UBE2L3: variants seen among roughly 807,000 people sequenced by gnomAD.
The protein encoded by UBE2L3 is ubiquitin conjugating enzyme E2 L3.
A neutral mutation model predicts 17.8 loss-of-function variants in UBE2L3; 1 was observed. The observed-to-expected ratio is 0.06, with a 90% CI of 0.02 to 0.27. UBE2L3 has a LOEUF of 0.27. Among genes scored for constraint, UBE2L3 ranks in the 10% least tolerant of loss-of-function variants. The probability of loss-of-function intolerance (pLI) is 1.00; values close to 1 mark genes in which losing one functional copy is unlikely to be tolerated. For missense variants in UBE2L3, 40 were observed against 192.6 expected, an observed-to-expected ratio of 0.21 and a Z score of 4.69; for synonymous variants, 44 against 68.5, an observed-to-expected ratio of 0.64 and a Z score of 1.76.
chr22:21,561,503 G>A (rs1419213567), intron 1 of UBE2L3, among the ~76,000 whole-genome samples: 3 of 152,406 alleles, frequency 2.0e-5, no homozygotes, highest in East Asian at 3.9e-4. Context: ...GATAACTTGA[G>A]TACAGGAGGT....
chr22:21,568,827 A>G (rs1926793552), intron 1 of UBE2L3, among the ~76,000 whole-genome samples: 2 of 152,160 alleles, frequency 1.3e-5, no homozygotes, highest in Admixed American at 6.5e-5. Context: ...AGAGCTAGAC[A>G]TTGAACTTGG....
chr22:21,581,150 G>A (rs1462403582), intron 1 of UBE2L3, among the ~76,000 whole-genome samples: 1 of 151,668 alleles, frequency 6.6e-6, no homozygotes, highest in African/African-American at 2.4e-5. Flanking sequence ...TGCCTCCCAG[G>A]TTCAAACAAT....
intron 1 of UBE2L3, among the ~76,000 whole-genome samples, chr22:21,560,856 A>G (rs1475538009): frequency 2.0e-5 from 3 of 152,246 alleles, no homozygotes; most frequent in Non-Finnish European, 4.4e-5. Context: ...TCATTTGGCC[A>G]TAGCTCTAGG....
chr22:21,562,526 C>T (rs533045703), intron 1 of UBE2L3, among the ~76,000 whole-genome samples: 2 of 152,026 alleles, frequency 1.3e-5, no homozygotes, highest in Admixed American at 6.6e-5. Flanking sequence ...CACCCGCCAC[C>T]ACGCCCAGAT....
intron 1 of UBE2L3, among the ~76,000 whole-genome samples, chr22:21,586,742 A>G (rs965095585): frequency 6.7e-6 from 1 of 150,168 alleles, no homozygotes; most frequent in African/African-American, 2.5e-5. Flanking sequence ...TAATTTTTGT[A>G]TTTTTAGTAG....
intron 1 of UBE2L3, among the ~76,000 whole-genome samples, chr22:21,573,968 C>A (rs538252078): frequency 6.6e-6 from 1 of 152,280 alleles, no homozygotes; most frequent in South Asian, 2.1e-4. Flanking sequence ...TCACTGAGGG[C>A]AGTGCTGATG....
At chr22:21,569,423 G>A (rs1462031245) in intron 1 of UBE2L3, among the ~76,000 whole-genome samples, 1 of 149,852 alleles carries the variant, frequency 6.7e-6, no homozygotes, top group Non-Finnish European at 1.5e-5. Flanking sequence ...AAAGATTTCT[G>A]GAGTGCATGC....
chr22:21,591,664 T>C (rs915713203), intron 1 of UBE2L3, among the ~76,000 whole-genome samples: 5 of 152,168 alleles, frequency 3.3e-5, no homozygotes, highest in Non-Finnish European at 7.3e-5. Flanking sequence ...CAAGGATCTT[T>C]TGGGCTTGAT....
chr22:21,585,280 T>C (rs1167800488), intron 1 of UBE2L3, among the ~76,000 whole-genome samples: 4 of 152,356 alleles, frequency 2.6e-5, no homozygotes, highest in South Asian at 2.1e-4. Flanking sequence ...TTTTTCATGC[T>C]GCTGCTAAGG....
At chr22:21,614,582 T>C in intron 3 of UBE2L3, 2 of 1,367,608 alleles carry the variant, frequency 1.5e-6, no homozygotes, top group South Asian at 1.1e-5. Context: ...CAATTATGGC[T>C]TCTCTCAGAT....
chr22:21,596,146 G>C (rs1928512667), intron 2 of UBE2L3, among the ~76,000 whole-genome samples: 1 of 152,102 alleles, frequency 6.6e-6, no homozygotes, highest in African/African-American at 2.4e-5. Flanking sequence ...TTACAAGCGT[G>C]AGCCACCACG....
At chr22:21,598,893 T>G (rs1181067625) in intron 2 of UBE2L3, among the ~76,000 whole-genome samples, 1 of 151,426 alleles carries the variant, frequency 6.6e-6, no homozygotes, top group Non-Finnish European at 1.5e-5. Flanking sequence ...CAGGCTGGAG[T>G]GCAGTGGTGT....
At chr22:21,613,005 T>C (rs1929585551) in intron 3 of UBE2L3, among the ~76,000 whole-genome samples, 1 of 152,184 alleles carries the variant, frequency 6.6e-6, no homozygotes, top group South Asian at 2.1e-4. Flanking sequence ...ATCAAGAGTG[T>C]TCAGTAATTC....
At position 21,584,669 on chromosome 22, in the gene UBE2L3, T is replaced by C. The variant is rs566588500; in HGVS notation, c.28-8192T>C. Among the ~76,000 whole-genome samples, 659 of 150,730 alleles carry C rather than the reference T, an allele frequency of 4.4e-3. 7 individuals carry two copies. The highest frequency in any genetic ancestry group is 0.015 in the African/African-American group (626 of 41,198). The stretch of plus-strand genomic sequence containing the variant: ...CTGGTCTCCAACTCCTGGCCTCAAG[T>C]GATTTTCCCGCTTCGGCAACCCAAA... On this transcript the variant is annotated intron_variant, in intron 1 of 3. Transcript: ENST00000342192.
At chr22:21,594,191 C>T (rs1283648199) in intron 2 of UBE2L3, among the ~76,000 whole-genome samples, 2 of 152,236 alleles carry the variant, frequency 1.3e-5, no homozygotes, top group Non-Finnish European at 2.9e-5. Context: ...CTGTGCCTGC[C>T]GCTGTCCTGT....
upstream of UBE2L3, among the ~76,000 whole-genome samples, chr22:21,565,999 G>A (rs1453770180): frequency 7.1e-6 from 1 of 141,552 alleles, no homozygotes; most frequent in Non-Finnish European, 1.5e-5. Context: ...TTAAGATGGA[G>A]TCTCACTCTG....
At chr22:21,588,697 T>C (rs777790864) in intron 1 of UBE2L3, among the ~76,000 whole-genome samples, 2 of 152,088 alleles carry the variant, frequency 1.3e-5, no homozygotes, top group Admixed American at 6.6e-5. Flanking sequence ...AGAGTCTTGC[T>C]CTGTCACTCA....
At chr22:21,575,496 G>C (rs2148404737) in intron 1 of UBE2L3, among the ~76,000 whole-genome samples, 1 of 149,642 alleles carries the variant, frequency 6.7e-6, no homozygotes, top group South Asian at 2.1e-4. Context: ...GGCTGAGGCA[G>C]GAGAATCGCT....
At chr22:21,567,704 GCCGCGATGCATT>G (rs778881885) in exon 1 of UBE2L3, 1 of 1,566,602 alleles carries the variant, frequency 6.4e-7, no homozygotes, top group South Asian at 1.2e-5. Flanking sequence ...CGCCCGGCCG[GCCGCGATGCATT>G]CTGGGGAAGG....
Sources: allele counts gnomAD v4.1 joint callset (sites outside exome capture counted in the v4.1 genomes callset), GRCh38; gene constraint gnomAD v4.1.1; transcripts MANE v1.5; gene names NCBI Gene and HGNC (gene_info 2026-07-23, HGNC 2026-07-21).